Variants in INTS2 observed in about 807,000 individuals in gnomAD.
INTS2 encodes the protein KIAA1287.
Under a neutral mutation model 139.6 loss-of-function variants are expected in INTS2, and 57 were observed. The ratio of observed to expected loss-of-function variants is 0.41; its 90% CI spans 0.33 to 0.51. The LOEUF is 0.51. Ranked by LOEUF, INTS2 falls within the 20% of genes least tolerant of loss-of-function variation. The pLI, the probability that INTS2 is intolerant of heterozygous loss-of-function variation, is 0.28. For synonymous variants in INTS2, 473 were observed against 493.4 expected, an observed-to-expected ratio of 0.96 and a Z score of 0.55; for missense variants, 1,196 against 1,436.7, an observed-to-expected ratio of 0.83 and a Z score of 2.71.
rs2079497918 is a variant in INTS2, at chr17:61,909,260, C to T, written c.955-1626G>A. ...CCGAGTAGCTGGGACTACAGGCACG[C>T]ACATCACGCTCAGCTAATTTTTGTA... On this transcript the variant is annotated intron_variant, in intron 7 of 24. Coordinates refer to ENST00000251334, the MANE Select transcript of INTS2 (RefSeq NM_001351695.2). This position sits in a 1 kb window ranked among gnomAD's most constrained non-coding sequence, Gnocchi z 4.9. Among the ~76,000 whole-genome samples the T allele has an allele frequency of 1.3e-5, 2 of 151,976 alleles. No individual in the cohort carries two copies. The highest frequency in any genetic ancestry group is 4.2e-4 in the South Asian group (2 of 4,818).
At chr17:61,910,687 GATTA>G (rs1434671624) in intron 7 of INTS2, 2 of 151,502 alleles carry the variant, frequency 1.3e-5, no homozygotes, top group African/African-American at 2.4e-5. Flanking sequence ...ACTTAAAAAT[GATTA>G]AATGGCAAAA....
Position 61,919,434 on chromosome 17 carries a change from G to C in INTS2, c.615C>G (p.Leu205=), listed in dbSNP as rs369461054. 136 of 1,596,506 alleles carry C rather than the reference G, an allele frequency of 8.5e-5. No homozygotes were observed. The highest frequency in any genetic ancestry group is 1.1e-4 in the Non-Finnish European group (126 of 1,169,080). Residue 205 remains leucine, a synonymous_variant, in exon 5 of 25, where the codon CTC becomes CTG. Coordinates refer to ENST00000251334, the MANE Select transcript of INTS2 (RefSeq NM_001351695.2). Reference sequence around the variant, plus strand: ...AACTATCAGGAACATTGGCCACCAAGAGACACAAGAACCAGGCACCATTTC... The same window carrying C: ...AACTATCAGGAACATTGGCCACCAACAGACACAAGAACCAGGCACCATTTC... ...HVRNGAWFLC[L]LVANVPDSFN...
In INTS2 at chr17:61,867,517, T is replaced by C. The variant is rs892535572; in HGVS notation, c.*40A>G. The C allele has an allele frequency of 1.0e-5, 13 of 1,293,728 alleles. No homozygotes were observed. Among genetic ancestry groups the C allele is most frequent in the Non-Finnish European group, 1.4e-5 (13 of 910,804 alleles). 80.1% of individuals were successfully genotyped at this position (1,293,728 alleles called of 1,614,324 possible). A position where few individuals can be genotyped will look rare whatever the true frequency, so the allele number is the denominator to read the frequency against. On this transcript the variant is annotated 3_prime_UTR_variant, in exon 25 of 25. Coordinates refer to ENST00000251334, the MANE Select transcript of INTS2 (RefSeq NM_001351695.2). This position sits in a 1 kb window ranked among gnomAD's most constrained non-coding sequence, Gnocchi z 5.6. ...TACTAATATGCAGATTCATGTTGGG[T>C]ATATGCAGCAAACAACTTTTTGTTG...
At chr17:61,924,486 T>A (rs2079686833) in intron 3 of INTS2, among the ~76,000 whole-genome samples, 1 of 152,110 alleles carries the variant, frequency 6.6e-6, no homozygotes, top group Non-Finnish European at 1.5e-5. Flanking sequence ...ACTTATAATA[T>A]CCTTTCAGGC....
intron 15 of INTS2, among the ~76,000 whole-genome samples, chr17:61,886,052 C>G (rs1359255441): frequency 6.6e-6 from 1 of 151,230 alleles, no homozygotes; most frequent in Non-Finnish European, 1.5e-5. Flanking sequence ...ATAGTGGTGA[C>G]TAAATCTTTT....
chr17:61,905,174 C>CA (rs2079448262), intron 8 of INTS2, among the ~76,000 whole-genome samples: 2 of 151,782 alleles, frequency 1.3e-5, no homozygotes, highest in South Asian at 4.2e-4. Context: ...CTCCTGGGCT[C>CA]AAAAAATCCA....
chr17:61,867,952 G>A lies in INTS2; in HGVS notation c.3302C>T (p.Ser1101Phe). 1 of 1,612,128 alleles carries A rather than the reference G, an allele frequency of 6.2e-7. No individual in the cohort carries two copies. The highest frequency in any genetic ancestry group is 8.5e-7 in the Non-Finnish European group (1 of 1,179,322). Residue 1101 changes from serine (S) to phenylalanine (F), a missense_variant, in exon 24 of 25, where the codon TCT becomes TTT. Coordinates refer to ENST00000251334, the MANE Select transcript of INTS2 (RefSeq NM_001351695.2). The surrounding 1 kb of genome is among the most constrained non-coding windows in gnomAD (Gnocchi z 5.6). The stretch of plus-strand genomic sequence containing the variant: ...CAATGGAGGAAATGCTCGACAAAAA[G>A]AGACCAAACTTGGCAGAGTTGGCAT... ...FFMPTLPSLV[S>F]FCRAFPPLYE...
rs1303761250 is a variant in INTS2 at position 61,875,107 on chromosome 17, TTCTA to T, written c.2457-73_2457-70del. The T allele has an allele frequency of 1.6e-5, 19 of 1,163,094 alleles. No individual in the cohort carries two copies. The highest frequency in any genetic ancestry group is 6.6e-5 in the Admixed American group (2 of 30,370). The allele number at this position is 1,163,094 out of a possible 1,614,324, so 72.0% of individuals were successfully genotyped here. A position where few individuals can be genotyped will look rare whatever the true frequency, so the allele number is the denominator to read the frequency against. On this transcript the variant is annotated intron_variant, in intron 18 of 24. Coordinates refer to ENST00000251334, the MANE Select transcript of INTS2 (RefSeq NM_001351695.2). This position sits in a 1 kb window ranked among gnomAD's most constrained non-coding sequence, Gnocchi z 4.6. ...TTAAAATCTGTAGCCATCCAGTCCTTTCTATCTTAGAAAGTTATATTCAGTAAAT... is the reference window on the plus strand; with the variant it reads ...TTAAAATCTGTAGCCATCCAGTCCTTTCTTAGAAAGTTATATTCAGTAAAT...
intron 18 of INTS2, among the ~76,000 whole-genome samples, chr17:61,877,496 A>C (rs924212796): frequency 6.6e-6 from 1 of 152,184 alleles, no homozygotes; most frequent in Admixed American, 6.5e-5. Flanking sequence ...AAACAGTCTG[A>C]TTTAATTGGC....
At chr17:61,922,720 TATTA>T (rs2079659837) in intron 3 of INTS2, among the ~76,000 whole-genome samples, 1 of 151,856 alleles carries the variant, frequency 6.6e-6, no homozygotes, top group Non-Finnish European at 1.5e-5. Context: ...GTCACTTATT[TATTA>T]GAGTCACCAA....
At chr17:61,901,293 A>T (rs908143552) in intron 9 of INTS2, among the ~76,000 whole-genome samples, 16 of 151,420 alleles carry the variant, frequency 1.1e-4, no homozygotes, top group Non-Finnish European at 1.8e-4. Flanking sequence ...ATAGAAATTT[A>T]AAAATAATAA....
In INTS2 at chr17:61,893,309, T is replaced by G. The variant is rs1461480552; in HGVS notation, c.1698+456A>C. On this transcript the variant is annotated intron_variant, in intron 13 of 24. Transcript: ENST00000251334. The surrounding 1 kb of genome is among the most constrained non-coding windows in gnomAD (Gnocchi z 5.4). ...TATATAAATGACTAGTAACTTAGCT[T>G]AATACCACACATTTCCTACACAAAA... Among the ~76,000 whole-genome samples the G allele has an allele frequency of 6.6e-6, 1 of 152,130 alleles. No homozygotes were observed. Among genetic ancestry groups the G allele is most frequent in the Non-Finnish European group, 1.5e-5 (1 of 68,034 alleles).
At chr17:61,908,198 T>C (rs2079486026) in intron 7 of INTS2, among the ~76,000 whole-genome samples, 1 of 152,158 alleles carries the variant, frequency 6.6e-6, no homozygotes, top group South Asian at 2.1e-4. Flanking sequence ...ACGGATCACT[T>C]GAGGTCAGGA....
intron 16 of INTS2, among the ~76,000 whole-genome samples, chr17:61,884,575 G>A (rs1008654123): frequency 1.3e-5 from 2 of 151,406 alleles, no homozygotes; most frequent in African/African-American, 2.4e-5. Flanking sequence ...TTTTACCTCT[G>A]TTAAGTGTCT....
chr17:61,878,342 C>T (rs2079144518), intron 17 of INTS2, among the ~76,000 whole-genome samples: 1 of 150,876 alleles, frequency 6.6e-6, no homozygotes, highest in African/African-American at 2.4e-5. Context: ...GCGGGTGGAT[C>T]ACTTGAGGTC....
At chr17:61,904,277 G>GC (rs1490889574) in intron 9 of INTS2, among the ~76,000 whole-genome samples, 183 bp downstream of exon 9, 1 of 152,152 alleles carries the variant, frequency 6.6e-6, no homozygotes, top group Non-Finnish European at 1.5e-5. Context: ...AACAGCCACT[G>GC]TACTCCAGCC....
chr17:61,881,057 A>G lies in INTS2; in HGVS notation c.2204T>C (p.Met735Thr), dbSNP rs1424826325. ...ITGTDALLRRMLLTNNAKNHS... is the reference protein window; with the variant it reads ...ITGTDALLRRTLLTNNAKNHS... ...ATTTTTAGCATTATTAGTCAGGAGC[A>G]TTCGCCGTAGCAGGGCATCAGTCCC... The change falls in exon 17 of 25, where the codon ATG becomes ACG. Residue 735 changes from methionine to threonine, a missense_variant. By Grantham distance (81) the Met-to-Thr change is moderately conservative. This residue lies in a region of INTS2 where 1,129 missense variants were observed against 1,341.9 expected (regional missense o/e 0.84). Transcript: ENST00000251334. 1 of 1,613,920 alleles carries G rather than the reference A, an allele frequency of 6.2e-7. No individual in the cohort carries two copies. The highest frequency in any genetic ancestry group is 2.2e-5 in the East Asian group (1 of 44,874).
chr17:61,913,585 G>C lies in INTS2; in HGVS notation c.650-1515C>G, dbSNP rs2079549211. Among the ~76,000 whole-genome samples, 5 of 152,006 alleles carry C rather than the reference G, an allele frequency of 3.3e-5. No individual in the cohort carries two copies. In the South Asian group the frequency reaches 1.0e-3, roughly 32 times the overall value. Reference sequence around the variant, plus strand: ...CCCGTTTTGGCCTCCCAAAGTGCTGGGATTACAGGTGTGAGCCACATACCC... The same window carrying C: ...CCCGTTTTGGCCTCCCAAAGTGCTGCGATTACAGGTGTGAGCCACATACCC... On this transcript the variant is annotated intron_variant, in intron 5 of 24. Coordinates refer to ENST00000251334, the MANE Select transcript of INTS2 (RefSeq NM_001351695.2).
intron 2 of INTS2, among the ~76,000 whole-genome samples, chr17:61,925,990 C>T (rs2079708322): frequency 6.6e-6 from 1 of 151,916 alleles, no homozygotes; most frequent in Admixed American, 6.6e-5. Flanking sequence ...CACGCCATTG[C>T]ACTCCAGCCT....
Sources: allele counts gnomAD v4.1 joint callset (sites outside exome capture counted in the v4.1 genomes callset), GRCh38; gene constraint gnomAD v4.1.1; regional missense constraint gnomAD v4.1.1; non-coding constraint Gnocchi (gnomAD v3.1); transcripts MANE v1.5; gene names NCBI Gene and HGNC (gene_info 2026-07-23, HGNC 2026-07-21).